The following VPS13B variants were observed in gnomAD, a reference collection of about 807,000 sequenced individuals.
VPS13B encodes intermembrane lipid transfer protein VPS13B.
In VPS13B, 285 loss-of-function variants were observed where a neutral mutation model predicts 426.4. That is an observed-to-expected ratio of 0.67 (90% CI 0.61 to 0.74). VPS13B has a LOEUF of 0.74. VPS13B is among the 30% of genes least tolerant of loss of function. The pLI, the probability that VPS13B is intolerant of heterozygous loss-of-function variation, is 0.00. For synonymous variants in VPS13B, 1,676 were observed against 1,676.4 expected (o/e 1.00, Z 0.01); for missense variants, 4,537 against 4,782.6 (o/e 0.95, Z 1.51).
chr8:99,236,542 G>A (rs1221977197), intron 17 of VPS13B, among the ~76,000 whole-genome samples: 3 of 152,136 alleles, frequency 2.0e-5, no homozygotes. Context: ...GAACTACCGT[G>A]CCTGACCTGT....
Position 99,496,722 on chromosome 8 carries a change from C to T in VPS13B, c.3871-4965C>T, listed in dbSNP as rs1038268508. ...AGTAAACAAAGCAAACACATACATA[C>T]GTACACAAGTACACACACATCCTTC... On this transcript the variant is annotated intron_variant, in intron 25 of 61. Transcript: ENST00000357162. 8.5e-5 allele frequency among the ~76,000 whole-genome samples: 13 copies of T among 152,176 alleles called. No individual in the cohort carries two copies. In the East Asian group the frequency reaches 1.2e-3, roughly 14 times the overall value.
rs149130480 is a variant in VPS13B at position 99,576,024 on chromosome 8, G to A, written c.5076+240G>A. 7.7e-3 allele frequency among the ~76,000 whole-genome samples: 1,175 copies of A among 152,080 alleles called. 9 individuals carry two copies. Among genetic ancestry groups the A allele is most frequent in the African/African-American group, 0.02 (843 of 41,494 alleles). The stretch of plus-strand genomic sequence containing the variant: ...TTGCTACTCCTCATATCCGTATTTT[G>A]TAGATGACAAAACTGAGGCATAGAG... On this transcript the variant is annotated intron_variant, in intron 32 of 61. Coordinates refer to ENST00000357162, the MANE Select transcript of VPS13B (RefSeq NM_152564.5).
At chr8:99,857,851 G>C (rs1208867572) in intron 56 of VPS13B, among the ~76,000 whole-genome samples, 1 of 152,110 alleles carries the variant, frequency 6.6e-6, no homozygotes, top group Non-Finnish European at 1.5e-5. Flanking sequence ...GCATCCATAG[G>C]GCCTCTCATT....
At chr8:99,809,274 T>C (rs550481589) in intron 43 of VPS13B, 101 bp from the exon 44 acceptor site, 2 of 1,477,584 alleles carry the variant, frequency 1.4e-6, no homozygotes, top group East Asian at 2.3e-5. Flanking sequence ...AGATGCAAAA[T>C]ATTACAAATG....
intron 33 of VPS13B, among the ~76,000 whole-genome samples, chr8:99,614,548 G>C (rs1217180671): frequency 6.6e-6 from 1 of 152,082 alleles, no homozygotes; most frequent in Non-Finnish European, 1.5e-5. Context: ...AAAGTGCTGG[G>C]ATTACAGGCC....
At chr8:99,682,928 G>A (rs922211427) in intron 35 of VPS13B, among the ~76,000 whole-genome samples, 8 of 152,198 alleles carry the variant, frequency 5.3e-5, no homozygotes, top group Non-Finnish European at 1.0e-4. Flanking sequence ...CTGAGAATGA[G>A]CTGACACCCA....
chr8:99,292,993 T>C (rs1819819931), intron 19 of VPS13B, among the ~76,000 whole-genome samples: 1 of 152,168 alleles, frequency 6.6e-6, no homozygotes, highest in African/African-American at 2.4e-5. Context: ...TCAGGGATCA[T>C]TTCTATAGTT....
intron 26 of VPS13B, among the ~76,000 whole-genome samples, chr8:99,502,196 C>G (rs1412912160): frequency 6.6e-6 from 1 of 152,048 alleles, no homozygotes; most frequent in African/African-American, 2.4e-5. Flanking sequence ...GTTGGTGAGG[C>G]TGGTCTTGAA....
chr8:99,565,105 C>G (rs1425259490), intron 31 of VPS13B, among the ~76,000 whole-genome samples: 1 of 152,108 alleles, frequency 6.6e-6, no homozygotes, highest in Non-Finnish European at 1.5e-5. Context: ...ACCACTAAGT[C>G]TTAATTCTCC....
At chr8:99,257,253 T>A (rs1002620252) in intron 17 of VPS13B, among the ~76,000 whole-genome samples, 3 of 152,134 alleles carry the variant, frequency 2.0e-5, no homozygotes, top group African/African-American at 7.2e-5. Context: ...GGTTAGAGTT[T>A]TGTGCAGTAG....
At chr8:99,772,367 G>T (rs1811546157) in intron 40 of VPS13B, among the ~76,000 whole-genome samples, 1 of 152,036 alleles carries the variant, frequency 6.6e-6, no homozygotes. Flanking sequence ...AAAATAGTTT[G>T]AAAAAGACAA....
chr8:99,476,193 T>G (rs1819678659), intron 24 of VPS13B, among the ~76,000 whole-genome samples: 1 of 152,218 alleles, frequency 6.6e-6, no homozygotes, highest in African/African-American at 2.4e-5. Context: ...CCTGAAGAGA[T>G]GTGAAACCAC....
chr8:99,428,858 T>C (rs1276465476), intron 21 of VPS13B, among the ~76,000 whole-genome samples: 1 of 152,066 alleles, frequency 6.6e-6, no homozygotes, highest in East Asian at 1.9e-4. Context: ...CTATTCACAA[T>C]AGCAAAGACT....
At chr8:99,291,874 G>T (rs916430777) in intron 19 of VPS13B, among the ~76,000 whole-genome samples, 6 of 152,004 alleles carry the variant, frequency 3.9e-5, no homozygotes, top group African/African-American at 1.4e-4. Context: ...TCCCATAAAA[G>T]TAAAAAATAT....
Position 99,310,956 on chromosome 8 carries a change from G to A in VPS13B, c.2824+35702G>A, listed in dbSNP as rs542552552. On this transcript the variant is annotated intron_variant, in intron 19 of 61. Coordinates refer to ENST00000357162, the MANE Select transcript of VPS13B (RefSeq NM_152564.5). ...CTTCTAGATTTTCTAATTTATTTGC[G>A]TAGAGGTGTTTATAATATTCTCTGA... Among the ~76,000 whole-genome samples, 90 of 152,228 alleles carry A rather than the reference G, an allele frequency of 5.9e-4. 1 individual carries two copies. The highest frequency in any genetic ancestry group is 1.0e-3 in the Admixed American group (16 of 15,290).
At chr8:99,772,457 T>C (rs1358073523) in intron 40 of VPS13B, among the ~76,000 whole-genome samples, 1 of 151,864 alleles carries the variant, frequency 6.6e-6, no homozygotes, top group African/African-American at 2.4e-5. Flanking sequence ...TCAGGGGCTG[T>C]GGGGAGGGGA....
intron 3 of VPS13B, among the ~76,000 whole-genome samples, chr8:99,069,221 C>T (rs1050805563): frequency 5.3e-5 from 8 of 152,088 alleles, no homozygotes; most frequent in Non-Finnish European, 1.0e-4. Flanking sequence ...TTGCCTGAGC[C>T]CAGGAGTTAG....
At chr8:99,603,307 T>C (rs1327783960) in intron 33 of VPS13B, among the ~76,000 whole-genome samples, 1 of 152,208 alleles carries the variant, frequency 6.6e-6, no homozygotes, top group African/African-American at 2.4e-5. Context: ...CCCCAGTGGA[T>C]GCCTGAAACT....
At chr8:99,123,108 C>T (rs1415499502) in intron 8 of VPS13B, among the ~76,000 whole-genome samples, 17 of 104,676 alleles carry the variant, frequency 1.6e-4, no homozygotes, top group Admixed American at 7.4e-4. Flanking sequence ...GCAACAAGAG[C>T]GAAACTCTGT....
Sources: gnomAD v4.1 joint callset for allele counts (sites outside exome capture counted in the v4.1 genomes callset) on GRCh38, gnomAD v4.1.1 for gene constraint, MANE v1.5 for transcripts, NCBI Gene and HGNC (gene_info 2026-07-23, HGNC 2026-07-21) for gene names.